SLC25A13: variants seen among roughly 807,000 people sequenced by gnomAD.
The protein encoded by SLC25A13 is electrogenic aspartate/glutamate antiporter SLC25A13, mitochondrial.
SLC25A13 carries 70 observed loss-of-function variants against 85.5 expected under a neutral mutation model. The observed-to-expected ratio is 0.82, with a 90% CI of 0.68 to 1.00. The LOEUF (loss-of-function observed/expected upper bound fraction) is 1.00, where lower values mean the gene tolerates loss of function less well. Ranked by LOEUF, SLC25A13 falls within the 50% of genes least tolerant of loss-of-function variation. The pLI is 0.00. For missense variants in SLC25A13, 765 were observed against 819.8 expected, an observed-to-expected ratio of 0.93 and a Z score of 0.82; for synonymous variants, 259 against 288.7, an observed-to-expected ratio of 0.90 and a Z score of 1.04.
rs574357357 is a variant in SLC25A13, at chr7:96,206,222, A to G, written c.468+2616T>C. Among the ~76,000 whole-genome samples, 4 of 152,348 alleles carry G rather than the reference A, an allele frequency of 2.6e-5. No individual in the cohort carries two copies. In the East Asian group the frequency reaches 7.7e-4, roughly 29 times the overall value. Reference sequence around the variant, plus strand: ...AGCTTGTTCACATTTCAAGCAACCAAGCATCTGCCTTCACAGCTTTGGCAT... The same window carrying G: ...AGCTTGTTCACATTTCAAGCAACCAGGCATCTGCCTTCACAGCTTTGGCAT... On this transcript the variant is annotated intron_variant, in intron 5 of 17. Coordinates refer to ENST00000265631, the MANE Select transcript of SLC25A13 (RefSeq NM_014251.3).
chr7:96,156,989 C>T (rs1793294300), intron 13 of SLC25A13, among the ~76,000 whole-genome samples: 1 of 152,156 alleles, frequency 6.6e-6, no homozygotes, highest in South Asian at 2.1e-4. Context: ...GGGTGCTTCA[C>T]CTATCTACCA....
At chr7:96,146,392 G>A (rs1316858841) in intron 14 of SLC25A13, among the ~76,000 whole-genome samples, 164 bp downstream of exon 14, 1 of 151,886 alleles carries the variant, frequency 6.6e-6, no homozygotes, top group Non-Finnish European at 1.5e-5. Context: ...GGCAGGAAGG[G>A]GCACCTCCTT....
chr7:96,141,294 A>G (rs1282828245), intron 14 of SLC25A13, among the ~76,000 whole-genome samples: 2 of 151,988 alleles, frequency 1.3e-5, no homozygotes, highest in African/African-American at 4.8e-5. Flanking sequence ...AAATACTGAG[A>G]TTACAGACGT....
chr7:96,124,415 C>A (rs1791641038), intron 15 of SLC25A13, among the ~76,000 whole-genome samples: 1 of 152,086 alleles, frequency 6.6e-6, no homozygotes, highest in Non-Finnish European at 1.5e-5. Context: ...GAGAAAATAT[C>A]GCATTTTCTT....
chr7:96,122,135 G>A, intron 15 of SLC25A13, 138 bp from the exon 16 acceptor site: 2 of 1,101,408 alleles, frequency 1.8e-6, no homozygotes, highest in East Asian at 2.5e-5. Flanking sequence ...TCCTCTATGG[G>A]AAATGCAACC....
At chr7:96,250,585 A>C (rs574438712) in intron 3 of SLC25A13, among the ~76,000 whole-genome samples, 1 of 152,296 alleles carries the variant, frequency 6.6e-6, no homozygotes, top group East Asian at 1.9e-4. Context: ...ATCTAATCCT[A>C]TATATAGGTG....
At chr7:96,144,030 G>C (rs1219357336) in intron 14 of SLC25A13, among the ~76,000 whole-genome samples, 1 of 152,068 alleles carries the variant, frequency 6.6e-6, no homozygotes, top group Non-Finnish European at 1.5e-5. Context: ...TAGCCAACCA[G>C]GACTAGAAAC....
chr7:96,136,459 A>G (rs979984737), intron 14 of SLC25A13, among the ~76,000 whole-genome samples: 17 of 152,234 alleles, frequency 1.1e-4, no homozygotes, highest in Admixed American at 3.9e-4. Flanking sequence ...GTCAATAGAT[A>G]TAACACAACA....
At chr7:96,128,939 G>GCTCTCTCTCGCTCTCT (rs1791871711) in intron 15 of SLC25A13, among the ~76,000 whole-genome samples, 1 of 81,850 alleles carries the variant, frequency 1.2e-5, no homozygotes, top group African/African-American at 4.3e-5. Flanking sequence ...TGCCTTGCTT[G>GCTCTCTCTCGCTCTCT]CTCTCTCTCT....
chr7:96,196,798 T>G (rs1457873707), intron 5 of SLC25A13, among the ~76,000 whole-genome samples: 3 of 152,224 alleles, frequency 2.0e-5, no homozygotes, highest in African/African-American at 7.2e-5. Context: ...AGCAGCATTC[T>G]GAAGACGTGG....
intron 12 of SLC25A13, among the ~76,000 whole-genome samples, 156 bp downstream of exon 12, chr7:96,171,316 G>C (rs532744085): frequency 6.6e-6 from 1 of 152,276 alleles, no homozygotes; most frequent in African/African-American, 2.4e-5. Flanking sequence ...CTGCTAAATG[G>C]AGAATAATGA....
intron 4 of SLC25A13, among the ~76,000 whole-genome samples, chr7:96,217,686 T>C (rs1339271520): frequency 6.6e-6 from 1 of 152,134 alleles, no homozygotes; most frequent in African/African-American, 2.4e-5. Flanking sequence ...GACAAATCCA[T>C]ATACACAAAA....
chr7:96,292,392 C>A (rs1779918422), intron 2 of SLC25A13, among the ~76,000 whole-genome samples: 1 of 152,182 alleles, frequency 6.6e-6, no homozygotes, highest in Non-Finnish European at 1.5e-5. Flanking sequence ...CCGTCTCTCA[C>A]CACTCCTATT....
chr7:96,170,378 A>G (rs1793947767), intron 12 of SLC25A13, among the ~76,000 whole-genome samples: 1 of 152,214 alleles, frequency 6.6e-6, no homozygotes, highest in Admixed American at 6.5e-5. Flanking sequence ...AAAGCCAAAA[A>G]TATGTTCTGC....
chr7:96,129,806 G>C (rs1035101349), intron 15 of SLC25A13, among the ~76,000 whole-genome samples: 1 of 152,148 alleles, frequency 6.6e-6, no homozygotes, highest in Admixed American at 6.5e-5. Context: ...GGAAACACTG[G>C]AATTTGAACA....
At chr7:96,321,401 T>C (rs969262672) in intron 1 of SLC25A13, among the ~76,000 whole-genome samples, 2 of 152,140 alleles carry the variant, frequency 1.3e-5, no homozygotes, top group South Asian at 2.1e-4. Context: ...GGACTTTTTA[T>C]TCACAAAGGC....
chr7:96,169,925 C>T (rs1018028098), intron 13 of SLC25A13, 120 bp downstream of exon 13: 5 of 1,023,096 alleles, frequency 4.9e-6, no homozygotes, highest in African/African-American at 1.6e-5. Flanking sequence ...CCCTAGTAGA[C>T]TCTGCCCTTG....
chr7:96,262,697 A>G (rs957040146), intron 3 of SLC25A13, among the ~76,000 whole-genome samples: 16 of 152,198 alleles, frequency 1.1e-4, no homozygotes, highest in African/African-American at 3.9e-4. Context: ...CTAAGCAAAG[A>G]CATAAGCAAA....
intron 4 of SLC25A13, among the ~76,000 whole-genome samples, chr7:96,228,889 C>A (rs114738243): frequency 6.3e-4 from 96 of 152,306 alleles, no homozygotes; most frequent in African/African-American, 2.2e-3. Flanking sequence ...TCCCCCAGCA[C>A]TCCTGGCCCA....
Sources: gnomAD v4.1 joint callset for allele counts (sites outside exome capture counted in the v4.1 genomes callset) on GRCh38, gnomAD v4.1.1 for gene constraint, MANE v1.5 for transcripts, NCBI Gene and HGNC (gene_info 2026-07-23, HGNC 2026-07-21) for gene names.